Variants in ITPK1 observed in about 807,000 individuals in gnomAD.
ITPK1 encodes the protein inositol 1,3,4-trisphosphate 5/6-kinase.
Under a neutral mutation model 45.3 loss-of-function variants are expected in ITPK1, and 21 were observed. The observed-to-expected ratio is 0.46, with a 90% CI of 0.33 to 0.67. ITPK1 has a LOEUF of 0.67. Ranked by LOEUF, ITPK1 falls within the 30% of genes least tolerant of loss-of-function variation. The pLI is 0.02. For synonymous variants in ITPK1, 258 were observed against 253.6 expected (o/e 1.02, Z -0.16); for missense variants, 474 against 573.5 (o/e 0.83, Z 1.77).
chr14:93,004,447 A>C (rs1887505255), intron 4 of ITPK1, among the ~76,000 whole-genome samples: 1 of 152,098 alleles, frequency 6.6e-6, no homozygotes, highest in Admixed American at 6.5e-5. Flanking sequence ...TTCCAGAGAA[A>C]TCTCCCACGT....
intron 3 of ITPK1, among the ~76,000 whole-genome samples, chr14:93,035,873 C>G (rs2139900230): frequency 6.6e-6 from 1 of 152,350 alleles, no homozygotes; most frequent in Middle Eastern, 3.4e-3. Context: ...ACCAGCTGGG[C>G]CCAGGGCCTA....
In ITPK1 at chr14:93,013,831, C is replaced by T. The variant is rs532673581; in HGVS notation, c.246+2845G>A. On this transcript the variant is annotated intron_variant, in intron 4 of 10. Transcript: ENST00000267615. Reference sequence around the variant, plus strand: ...GGCACGACTGAGGTCAAGTGTCCGCCTCCCTGGGTCTATGTGGTCTGGCTC... The same window carrying T: ...GGCACGACTGAGGTCAAGTGTCCGCTTCCCTGGGTCTATGTGGTCTGGCTC... Among the ~76,000 whole-genome samples, 316 of 152,334 alleles carry T rather than the reference C, an allele frequency of 2.1e-3. 1 individual carries two copies. Among genetic ancestry groups the T allele is most frequent in the Admixed American group, 3.8e-3 (58 of 15,304 alleles).
intron 3 of ITPK1, among the ~76,000 whole-genome samples, chr14:93,047,252 C>T (rs556118594): frequency 1.3e-5 from 2 of 152,350 alleles, no homozygotes; most frequent in South Asian, 2.1e-4. Flanking sequence ...CCCACACTCA[C>T]TTTGGGGTGG....
intron 5 of ITPK1, among the ~76,000 whole-genome samples, chr14:92,970,154 C>T (rs1380137407): frequency 3.3e-5 from 5 of 152,146 alleles, no homozygotes; most frequent in East Asian, 1.9e-4. Context: ...CAGGTGGACC[C>T]GAGAGGACAA....
chr14:93,077,645 G>T (rs1891280387), intron 2 of ITPK1, among the ~76,000 whole-genome samples: 1 of 152,146 alleles, frequency 6.6e-6, no homozygotes, highest in African/African-American at 2.4e-5. Flanking sequence ...CTTACTGTGG[G>T]CCCAGGAAGT....
At chr14:93,028,609 A>G (rs1888867900) in intron 3 of ITPK1, among the ~76,000 whole-genome samples, 1 of 152,208 alleles carries the variant, frequency 6.6e-6, no homozygotes, top group Non-Finnish European at 1.5e-5. Flanking sequence ...TGCCATCAGC[A>G]TTCCACGAGA....
chr14:92,979,938 G>A (rs1320859814), intron 5 of ITPK1, among the ~76,000 whole-genome samples: 3 of 151,650 alleles, frequency 2.0e-5, no homozygotes, highest in South Asian at 2.1e-4. Flanking sequence ...ACATCACCAC[G>A]CCTGGCTAAT....
At chr14:93,061,442 C>T (rs1890520241) in intron 3 of ITPK1, among the ~76,000 whole-genome samples, 1 of 152,176 alleles carries the variant, frequency 6.6e-6, no homozygotes, top group African/African-American at 2.4e-5. Flanking sequence ...TCCATGGGCA[C>T]AGCTGCGGCT....
chr14:93,046,317 A>G (rs1286027202), intron 3 of ITPK1, among the ~76,000 whole-genome samples: 1 of 152,208 alleles, frequency 6.6e-6, no homozygotes, highest in Non-Finnish European at 1.5e-5. Context: ...GTAGAAACTG[A>G]GGCTCAGAGA....
At position 92,939,708 on chromosome 14, in the gene ITPK1, A is replaced by C. The variant is rs1300174626; in HGVS notation, c.*1853T>G. 2.0e-6 allele frequency: 2 copies of C among 985,490 alleles called. No homozygotes were observed. Among genetic ancestry groups the C allele is most frequent in the African/African-American group, 3.5e-5 (2 of 57,334 alleles). 61.0% of individuals were successfully genotyped at this position (985,490 alleles called of 1,614,324 possible). A position where few individuals can be genotyped will look rare whatever the true frequency, so the allele number is the denominator to read the frequency against. On this transcript the variant is annotated 3_prime_UTR_variant, in exon 11 of 11. Transcript: ENST00000267615. The stretch of plus-strand genomic sequence containing the variant: ...GAGGCCACAAACGGTACAGGAACAC[A>C]GCCAGGAGTCACGCTGCACACCCCC...
At chr14:93,070,110 C>CT (rs974752269) in intron 3 of ITPK1, 5 of 152,364 alleles carry the variant, frequency 3.3e-5, no homozygotes, top group African/African-American at 1.2e-4. Context: ...CTCGAGTCCC[C>CT]TCATGCCAGC....
At chr14:92,952,185 C>T (rs1326350742) in intron 8 of ITPK1, among the ~76,000 whole-genome samples, 172 bp from the exon 9 acceptor site, 1 of 152,166 alleles carries the variant, frequency 6.6e-6, no homozygotes, top group East Asian at 1.9e-4. Flanking sequence ...GGATGTGTGC[C>T]CCATCAGGGC....
intron 3 of ITPK1, among the ~76,000 whole-genome samples, chr14:93,075,625 G>A (rs1891190867): frequency 6.6e-6 from 1 of 152,178 alleles, no homozygotes; most frequent in African/African-American, 2.4e-5. Flanking sequence ...TGAACCTGCA[G>A]GAATGGGGAC....
In ITPK1 at chr14:92,940,866, C is replaced by T; in HGVS notation, c.*695G>A. ...GTGCTGGCTTAGGGGAAGGAGACCG[C>T]TGTGCAGGGCTAAATGGGACGTGTG... is the stretch of plus-strand genomic sequence containing the variant. On this transcript the variant is annotated 3_prime_UTR_variant, in exon 11 of 11. Transcript: ENST00000267615. 4 of 1,288,666 alleles carry T rather than the reference C, an allele frequency of 3.1e-6. No homozygotes were observed. Among genetic ancestry groups the T allele is most frequent in the South Asian group, 1.2e-5 (1 of 80,970 alleles). 79.8% of individuals were successfully genotyped at this position (1,288,666 alleles called of 1,614,324 possible).
intron 3 of ITPK1, among the ~76,000 whole-genome samples, chr14:93,028,575 T>C (rs1888866404): frequency 6.6e-6 from 1 of 152,186 alleles, no homozygotes; most frequent in Non-Finnish European, 1.5e-5. Context: ...GTTTCCTCAC[T>C]GGTACAATAC....
chr14:93,103,880 C>T (rs1002680199), intron 2 of ITPK1, among the ~76,000 whole-genome samples: 2 of 152,198 alleles, frequency 1.3e-5, no homozygotes, highest in Non-Finnish European at 2.9e-5. Flanking sequence ...CACCCATCTA[C>T]CATGCCCCGC....
rs755035918 is a variant in ITPK1 at position 93,047,438 on chromosome 14, T to A, written c.120+29157A>T. ...CAGATATAATCAAATTAAGATGAGG[T>A]CATCAGGGTTGGCCCTGATTCAATA... On this transcript the variant is annotated intron_variant, in intron 3 of 10. Coordinates refer to ENST00000267615, the MANE Select transcript of ITPK1 (RefSeq NM_014216.6). Among the ~76,000 whole-genome samples, 48 of 152,154 alleles carry A rather than the reference T, an allele frequency of 3.2e-4. 1 individual carries two copies. Among genetic ancestry groups the A allele is most frequent in the Non-Finnish European group, 3.8e-4 (26 of 68,036 alleles).
intron 5 of ITPK1, among the ~76,000 whole-genome samples, chr14:92,969,120 G>T (rs1165276181): frequency 3.9e-5 from 6 of 152,164 alleles, no homozygotes; most frequent in Non-Finnish European, 2.9e-5. Context: ...GAGTACTACT[G>T]TTCCAATAAC....
At chr14:92,979,994 T>C (rs1457872389) in intron 5 of ITPK1, among the ~76,000 whole-genome samples, 1 of 152,122 alleles carries the variant, frequency 6.6e-6, no homozygotes, top group Non-Finnish European at 1.5e-5. Flanking sequence ...TTGGCCAGGC[T>C]GGTCTGGAAC....
Sources: allele counts gnomAD v4.1 joint callset (sites outside exome capture counted in the v4.1 genomes callset), GRCh38; gene constraint gnomAD v4.1.1; transcripts MANE v1.5; gene names NCBI Gene and HGNC (gene_info 2026-07-23, HGNC 2026-07-21).